Variants in ZNF827 observed in about 807,000 individuals in gnomAD.
The protein encoded by ZNF827 is zinc finger protein 827.
ZNF827 carries 13 observed loss-of-function variants against 102.4 expected under a neutral mutation model. The ratio of observed to expected loss-of-function variants is 0.13; its 90% CI spans 0.08 to 0.20. The LOEUF (loss-of-function observed/expected upper bound fraction) is 0.20. Ranked by LOEUF, ZNF827 falls within the 10% of genes least tolerant of loss-of-function variation. The probability of loss-of-function intolerance (pLI) is 1.00; values close to 1 mark genes in which losing one functional copy is unlikely to be tolerated. For missense variants in ZNF827, 1,103 were observed against 1,344.4 expected (o/e 0.82, Z 2.81); for synonymous variants, 523 against 536.2 (o/e 0.98, Z 0.34).
rs144486285 is a variant in ZNF827, at chr4:145,769,890, A to G, written c.2861-4152T>C. On this transcript the variant is annotated intron_variant, in intron 11 of 14. Transcript: ENST00000508784. ...GGAAATTGAAACCATAAAAAAAATT[A>G]CCAATCATCTTGCTTCCTCAATACA... is the stretch of plus-strand genomic sequence containing the variant. Among the ~76,000 whole-genome samples the G allele has an allele frequency of 8.8e-4, 134 of 152,362 alleles. 1 individual carries two copies. The East Asian group carries it at 0.025, about 29-fold the overall frequency.
intron 5 of ZNF827, among the ~76,000 whole-genome samples, chr4:145,861,387 A>G (rs1018735358): frequency 6.6e-6 from 1 of 152,214 alleles, no homozygotes; most frequent in African/African-American, 2.4e-5. Context: ...ATCCATCAGG[A>G]AAACTTGTCC....
chr4:145,814,271 G>A lies in ZNF827; in HGVS notation c.2383+9151C>T, dbSNP rs564091521. Among the ~76,000 whole-genome samples, 369 of 152,174 alleles carry A rather than the reference G, an allele frequency of 2.4e-3. 1 individual carries two copies. Among genetic ancestry groups the A allele is most frequent in the African/African-American group, 8.4e-3 (348 of 41,512 alleles). ...TCAACCTGTATCACTTTTCCTTCAC[G>A]GCTTCAATGCCTTACTTCCCACCAC... On this transcript the variant is annotated intron_variant, in intron 8 of 14. Transcript: ENST00000508784.
intron 9 of ZNF827, among the ~76,000 whole-genome samples, chr4:145,778,617 A>G (rs79938065): frequency 0.03 from 4,586 of 151,904 alleles, 217 homozygotes; most frequent in African/African-American, 0.1. Context: ...ATCTTGGGGG[A>G]AAAAAAAGAC....
intron 2 of ZNF827, among the ~76,000 whole-genome samples, chr4:145,893,200 C>T (rs963931931): frequency 1.2e-4 from 19 of 152,204 alleles, no homozygotes; most frequent in Non-Finnish European, 2.4e-4. Flanking sequence ...CAACTACCTC[C>T]TCCAAATAAA....
chr4:145,783,590 CTTA>C (rs1378977795), intron 8 of ZNF827, among the ~76,000 whole-genome samples: 1 of 152,252 alleles, frequency 6.6e-6, no homozygotes, highest in Non-Finnish European at 1.5e-5. Flanking sequence ...CTCAACTTTC[CTTA>C]TCCCCTGCCT....
At position 145,765,210 on chromosome 4, in the gene ZNF827, G is replaced by C. The variant is rs757953055; in HGVS notation, c.3053-45C>G. 2.0e-6 allele frequency: 3 copies of C among 1,538,266 alleles called. No homozygotes were observed. In the South Asian group the frequency reaches 3.8e-5, roughly 20 times the overall value. ...GTATAGAGGTGCACAGGGCAGCGGG[G>C]AGAGGAGGGCAGGAGTGGAGCCAAG... On this transcript the variant is annotated intron_variant, in intron 12 of 14. Coordinates refer to ENST00000508784, the MANE Select transcript of ZNF827 (RefSeq NM_001306215.2). This position sits in a 1 kb window ranked among gnomAD's most constrained non-coding sequence, Gnocchi z 4.7.
intron 1 of ZNF827, among the ~76,000 whole-genome samples, chr4:145,925,018 G>C (rs1753326993): frequency 6.6e-6 from 1 of 152,174 alleles, no homozygotes; most frequent in Admixed American, 6.5e-5. Context: ...GGCTGGGGAG[G>C]CCTCACAATC....
At position 145,877,247 on chromosome 4, in the gene ZNF827, A is replaced by C. The variant is rs1406478117; in HGVS notation, c.1748-6769T>G. ...TCAGAGCTTAACTCTCCAGATCACA[A>C]GCCGGTGCGGTTCTATCCAACCAAG... On this transcript the variant is annotated intron_variant, in intron 4 of 14. Coordinates refer to ENST00000508784, the MANE Select transcript of ZNF827 (RefSeq NM_001306215.2). Among the ~76,000 whole-genome samples, 3 of 152,206 alleles carry C rather than the reference A, an allele frequency of 2.0e-5. No individual in the cohort carries two copies. The East Asian group carries it at 5.8e-4, about 29-fold the overall frequency.
At chr4:145,856,977 A>G (rs1747195549) in intron 5 of ZNF827, among the ~76,000 whole-genome samples, 1 of 126,332 alleles carries the variant, frequency 7.9e-6, no homozygotes. Flanking sequence ...ATGCGCGCGC[A>G]CGCGCACGCA....
intron 8 of ZNF827, among the ~76,000 whole-genome samples, chr4:145,811,960 G>C (rs1742056908): frequency 6.6e-6 from 1 of 152,070 alleles, no homozygotes; most frequent in Non-Finnish European, 1.5e-5. Context: ...TGTCACCCAG[G>C]CTGGAGTGCA....
intron 3 of ZNF827, among the ~76,000 whole-genome samples, chr4:145,888,041 G>T (rs1258927358): frequency 6.6e-6 from 1 of 152,178 alleles, no homozygotes; most frequent in Non-Finnish European, 1.5e-5. Flanking sequence ...AATCAAAAGG[G>T]AGTCCTGGAT....
rs1734126775 is a variant in ZNF827 at position 145,758,438 on chromosome 4, C to T, written c.*3178G>A. The T allele has an allele frequency of 6.6e-6, 1 of 152,206 alleles. No homozygotes were observed. Among genetic ancestry groups the T allele is most frequent in the Non-Finnish European group, 1.5e-5 (1 of 68,052 alleles). 9.4% of individuals were successfully genotyped at this position (152,206 alleles called of 1,614,324 possible). On this transcript the variant is annotated 3_prime_UTR_variant, in exon 15 of 15. Transcript: ENST00000508784. The stretch of plus-strand genomic sequence containing the variant: ...CTTTCAGGTTTTTAACCTGCTGGTG[C>T]TTAAGTGTGATTCGCCTTTTCTACC...
chr4:145,915,367 A>G (rs528134775), intron 1 of ZNF827, among the ~76,000 whole-genome samples: 1 of 152,220 alleles, frequency 6.6e-6, no homozygotes, highest in African/African-American at 2.4e-5. Context: ...GAATCGCTTG[A>G]ACCTGGGAGG....
intron 1 of ZNF827, among the ~76,000 whole-genome samples, chr4:145,935,135 T>C (rs1226696650): frequency 6.6e-6 from 1 of 152,186 alleles, no homozygotes; most frequent in East Asian, 1.9e-4. Context: ...CTTAAAACCC[T>C]GAGATGACTT....
intron 5 of ZNF827, among the ~76,000 whole-genome samples, chr4:145,861,281 C>G (rs1195328849): frequency 2.6e-5 from 4 of 152,162 alleles, no homozygotes; most frequent in Non-Finnish European, 5.9e-5. Context: ...AATGATTAAG[C>G]TCTCCCTCAC....
intron 1 of ZNF827, among the ~76,000 whole-genome samples, chr4:145,916,807 T>C (rs1247092966): frequency 6.6e-6 from 1 of 152,224 alleles, no homozygotes; most frequent in Non-Finnish European, 1.5e-5. Flanking sequence ...AACATTTTGC[T>C]TAGAAATTTC....
chr4:145,932,027 T>C (rs145401349), intron 1 of ZNF827, among the ~76,000 whole-genome samples: 404 of 152,258 alleles, frequency 2.7e-3, no homozygotes, highest in Non-Finnish European at 3.7e-3. Flanking sequence ...AGTGCGTTTA[T>C]AAAAGGGGCC....
intron 1 of ZNF827, among the ~76,000 whole-genome samples, chr4:145,907,422 A>C (rs1271891505): frequency 6.6e-6 from 1 of 152,232 alleles, no homozygotes; most frequent in Non-Finnish European, 1.5e-5. Flanking sequence ...TTTTAAATCT[A>C]GAAGATGAAT....
intron 3 of ZNF827, among the ~76,000 whole-genome samples, chr4:145,889,609 A>G (rs1019256995): frequency 4.1e-5 from 6 of 144,624 alleles, no homozygotes; most frequent in African/African-American, 1.6e-4. Flanking sequence ...GCTGGAGTGC[A>G]GTGGTGCGAT....
Sources: gnomAD v4.1 joint callset for allele counts (sites outside exome capture counted in the v4.1 genomes callset) on GRCh38, gnomAD v4.1.1 for gene constraint, Gnocchi (gnomAD v3.1) non-coding constraint, MANE v1.5 for transcripts, NCBI Gene and HGNC (gene_info 2026-07-23, HGNC 2026-07-21) for gene names.